NLRC5: variants seen among roughly 807,000 people sequenced by gnomAD.
NLRC5 encodes the protein NLR family CARD domain containing 5, also known as protein NLRC5.
Under a neutral mutation model 206.9 loss-of-function variants are expected in NLRC5, and 114 were observed. That is an observed-to-expected ratio of 0.55 (90% CI 0.47 to 0.64). NLRC5 has a LOEUF of 0.64. NLRC5 is among the 30% of genes least tolerant of loss of function. The probability of loss-of-function intolerance (pLI) is 0.00; values close to 1 mark genes in which losing one functional copy is unlikely to be tolerated. For synonymous variants in NLRC5, 952 were observed against 962.8 expected (o/e 0.99, Z 0.21); for missense variants, 2,008 against 2,305.5 (o/e 0.87, Z 2.64).
At chr16:57,039,730 A>G in intron 15 of NLRC5, 51 bp from the exon 16 acceptor site, 2 of 1,523,706 alleles carry the variant, frequency 1.3e-6, no homozygotes, top group Non-Finnish European at 1.8e-6. Context: ...AAGAAATAGT[A>G]ACAGGGAGCC....
intron 48 of NLRC5, 137 bp from the exon 49 acceptor site, chr16:57,082,280 A>G: frequency 4.9e-6 from 3 of 612,040 alleles, no homozygotes; most frequent in Non-Finnish European, 5.7e-6. Flanking sequence ...TAGGTCAGCT[A>G]TGCTGGTCTA....
At chr16:57,076,348 GTAAAGACAA>G (rs1356924088) in intron 39 of NLRC5, among the ~76,000 whole-genome samples, 3 of 152,266 alleles carry the variant, frequency 2.0e-5, no homozygotes, top group African/African-American at 7.2e-5. Context: ...TCAGGGCTCA[GTAAAGACAA>G]TACCCTGGGT....
In NLRC5 at chr16:57,079,416, G is replaced by A. The variant is rs534798976; in HGVS notation, c.5237+124G>A. 213 of 1,384,478 alleles carry A rather than the reference G, an allele frequency of 1.5e-4. No individual in the cohort carries two copies. In the South Asian group the frequency reaches 2.4e-3, roughly 15 times the overall value. 85.8% of individuals were successfully genotyped at this position (1,384,478 alleles called of 1,614,324 possible). ...GAAGCCCCAGGGATGGTGGGGGCCT[G>A]GCTCAAGAAAGGAAGTCTTTCCTAA... On this transcript the variant is annotated intron_variant, in intron 45 of 48. Transcript: ENST00000688547.
chr16:57,049,177 G>T (rs1384586453), intron 23 of NLRC5, among the ~76,000 whole-genome samples: 1 of 152,186 alleles, frequency 6.6e-6, no homozygotes, highest in Non-Finnish European at 1.5e-5. Context: ...TTTTTGTTAG[G>T]CCGTATTCAA....
At chr16:57,045,240 T>G in intron 20 of NLRC5, 1 of 576,680 alleles carries the variant, frequency 1.7e-6, no homozygotes, top group Non-Finnish European at 3.1e-6. Context: ...TCTTACCTCA[T>G]TGTTTATTGT....
intron 40 of NLRC5, 59 bp downstream of exon 40, chr16:57,076,961 G>A (rs1220709783): frequency 2.8e-6 from 4 of 1,447,806 alleles, no homozygotes; most frequent in Non-Finnish European, 3.9e-6. Flanking sequence ...AGATGACAAG[G>A]GCAAGGGGCT....
At chr16:57,024,376 T>C (rs2061029678) in intron 5 of NLRC5, among the ~76,000 whole-genome samples, 1 of 152,124 alleles carries the variant, frequency 6.6e-6, no homozygotes, top group Non-Finnish European at 1.5e-5. Context: ...TCTCCACGAG[T>C]TGTCCCACTA....
intron 1 of NLRC5, among the ~76,000 whole-genome samples, chr16:57,005,919 C>CA (rs34438852): frequency 0.021 from 2,888 of 137,614 alleles, 30 homozygotes; most frequent in Non-Finnish European, 0.025. Context: ...TACCCTGTCT[C>CA]AAAAAAAAAA....
chr16:57,082,687 G>C lies in NLRC5; in HGVS notation c.*159G>C. 1 of 582,482 alleles carries C rather than the reference G, an allele frequency of 1.7e-6. No homozygotes were observed. The highest frequency in any genetic ancestry group is 3.0e-6 in the Non-Finnish European group (1 of 332,354). The allele number at this position is 582,482 out of a possible 1,614,324, so 36.1% of individuals were successfully genotyped here. On this transcript the variant is annotated 3_prime_UTR_variant, in exon 49 of 49. Coordinates refer to ENST00000688547, the MANE Select transcript of NLRC5 (RefSeq NM_001384950.1). The stretch of plus-strand genomic sequence containing the variant: ...CGTGTGTCCTGCTGCAGTCCTCAGG[G>C]AGAACTTTTTTGGGAACCAGGAGCT...
chr16:56,992,738 A>G (rs1436843666), intron 1 of NLRC5, among the ~76,000 whole-genome samples: 1 of 152,076 alleles, frequency 6.6e-6, no homozygotes, highest in Non-Finnish European at 1.5e-5. Flanking sequence ...TGGCCTCCCA[A>G]AATGCTAGGA....
chr16:57,059,110 TG>T, intron 29 of NLRC5, 49 bp downstream of exon 29: 1 of 1,612,588 alleles, frequency 6.2e-7, no homozygotes, highest in Non-Finnish European at 8.5e-7. Context: ...GGCCAACAGG[TG>T]CCCCTGGCTG....
In NLRC5 at chr16:57,055,077, G is replaced by T; in HGVS notation, c.3642G>T (p.Glu1214Asp). The T allele has an allele frequency of 6.2e-7, 1 of 1,614,236 alleles. No individual in the cohort carries two copies. Among genetic ancestry groups the T allele is most frequent in the Non-Finnish European group, 8.5e-7 (1 of 1,180,042 alleles). The change falls in exon 26 of 49, where the codon GAG becomes GAT. Residue 1214 changes from glutamate (E) to aspartate (D), a missense_variant. By Grantham distance (45) the Glu-to-Asp change is conservative. Coordinates refer to ENST00000688547, the MANE Select transcript of NLRC5 (RefSeq NM_001384950.1). Reference protein sequence around the residue: ...ATLHFRSNEEEEGVCCGRFTG... With the variant: ...ATLHFRSNEEDEGVCCGRFTG... Reference sequence around the variant, plus strand: ...TGCACTTCAGATCCAACGAGGAGGAGGAAGGCGTGTGCTGTGGGTAAGCCC... The same window carrying T: ...TGCACTTCAGATCCAACGAGGAGGATGAAGGCGTGTGCTGTGGGTAAGCCC...
chr16:57,035,204 T>C (rs1042233046), intron 13 of NLRC5, among the ~76,000 whole-genome samples: 2 of 152,148 alleles, frequency 1.3e-5, no homozygotes, highest in Non-Finnish European at 2.9e-5. Context: ...ATGGACCTAC[T>C]GGTAGCGCTC....
chr16:57,068,421 G>T (rs1395777020), intron 36 of NLRC5, among the ~76,000 whole-genome samples: 2 of 143,672 alleles, frequency 1.4e-5, no homozygotes, highest in Non-Finnish European at 3.1e-5. Context: ...ACAGAGCGAG[G>T]CTCGGTTTCC....
intron 1 of NLRC5, among the ~76,000 whole-genome samples, chr16:56,997,899 G>A (rs17369578): frequency 0.051 from 7,833 of 152,190 alleles, 262 homozygotes; most frequent in South Asian, 0.16. Context: ...TCTTTTAACA[G>A]CTCCACAATT....
chr16:57,079,132 A>C lies in NLRC5; in HGVS notation c.5164A>C (p.Ser1722Arg). 6.2e-7 allele frequency: 1 copy of C among 1,614,076 alleles called. No individual in the cohort carries two copies. Among genetic ancestry groups the C allele is most frequent in the Non-Finnish European group, 8.5e-7 (1 of 1,180,004 alleles). ...TGGATCCCCCCATTTGGAAGAGATC[A>C]GGTAAGTAGGGGCTGCCCAGCCCAG... ...LDGSPHLEEI[S>R]LAENNLAGGV... Residue 1722 changes from serine (S) to arginine (R), a missense_variant and splice_region_variant, in exon 44 of 49, where the codon AGC becomes CGC. Physicochemically the swap from Ser to Arg is moderately radical, Grantham distance 110. Coordinates refer to ENST00000688547, the MANE Select transcript of NLRC5 (RefSeq NM_001384950.1).
intron 24 of NLRC5, among the ~76,000 whole-genome samples, chr16:57,053,938 T>G (rs13332067): frequency 0.015 from 2,254 of 152,070 alleles, 46 homozygotes; most frequent in African/African-American, 0.051. Flanking sequence ...TGAAGGGTGC[T>G]GGGGGCTGAT....
In NLRC5 at chr16:57,067,756, G is replaced by A. The variant is rs767269201; in HGVS notation, c.4427G>A (p.Cys1476Tyr). ...TTCAGCTTGTCTCAGGTTAACCTCT[G>A]TGAGGACGATGATGCCAGTTCCCTG... ...QQLSLSQVNL[C>Y]EDDDASSLLL... The change falls in exon 36 of 49, where the codon TGT becomes TAT. Residue 1476 changes from cysteine to tyrosine, a missense_variant. By Grantham distance (194) the Cys-to-Tyr change is radical. Coordinates refer to ENST00000688547, the MANE Select transcript of NLRC5 (RefSeq NM_001384950.1). 1.2e-6 allele frequency: 2 copies of A among 1,614,218 alleles called. No homozygotes were observed. Among genetic ancestry groups the A allele is most frequent in the Non-Finnish European group, 8.5e-7 (1 of 1,180,020 alleles).
At chr16:57,045,002 T>C (rs1244092966) in intron 20 of NLRC5, among the ~76,000 whole-genome samples, 1 of 152,036 alleles carries the variant, frequency 6.6e-6, no homozygotes, top group Admixed American at 6.6e-5. Flanking sequence ...CCATGGAGTT[T>C]GAGACCAGCC....
Sources: gnomAD v4.1 joint callset for allele counts (sites outside exome capture counted in the v4.1 genomes callset) on GRCh38, gnomAD v4.1.1 for gene constraint, MANE v1.5 for transcripts, NCBI Gene and HGNC (gene_info 2026-07-23, HGNC 2026-07-21) for gene names.